The following MTHFD1L variants were observed in gnomAD, a reference collection of about 807,000 sequenced individuals.
The protein encoded by MTHFD1L is methylenetetrahydrofolate dehydrogenase (NADP+ dependent) 1 like, also known as monofunctional C1-tetrahydrofolate synthase, mitochondrial.
In MTHFD1L, 81 loss-of-function variants were observed where a neutral mutation model predicts 119.5. The observed-to-expected ratio is 0.68, with a 90% CI of 0.57 to 0.82. The LOEUF is 0.82. Among genes scored for constraint, MTHFD1L ranks in the 40% least tolerant of loss-of-function variants. The pLI, the probability that MTHFD1L is intolerant of heterozygous loss-of-function variation, is 0.00. For missense variants in MTHFD1L, 1,125 were observed against 1,253.4 expected (o/e 0.90, Z 1.55); for synonymous variants, 430 against 475.2 (o/e 0.90, Z 1.24).
intron 20 of MTHFD1L, among the ~76,000 whole-genome samples, chr6:150,994,313 T>C (rs1456238637): frequency 6.6e-6 from 1 of 152,038 alleles, no homozygotes; most frequent in African/African-American, 2.4e-5. Flanking sequence ...TTCCTGGAAA[T>C]CACATACAAC....
intron 15 of MTHFD1L, among the ~76,000 whole-genome samples, chr6:150,947,199 G>T (rs1794118133): frequency 6.6e-6 from 1 of 151,194 alleles, no homozygotes; most frequent in Non-Finnish European, 1.5e-5. Flanking sequence ...CTAGGTTCAA[G>T]CAGTTCTGCC....
intron 24 of MTHFD1L, among the ~76,000 whole-genome samples, chr6:151,032,907 A>G (rs2128527838): frequency 6.6e-6 from 1 of 152,248 alleles, no homozygotes; most frequent in East Asian, 1.9e-4. Flanking sequence ...CAGGGTTGGG[A>G]GGGGAAGAGT....
At chr6:151,040,440 G>A (rs1786919612) in intron 26 of MTHFD1L, among the ~76,000 whole-genome samples, 1 of 152,216 alleles carries the variant, frequency 6.6e-6, no homozygotes, top group African/African-American at 2.4e-5. Flanking sequence ...GGCCCGCACA[G>A]TGGCTCACAC....
At chr6:151,037,976 A>AT (rs1485191148) in intron 26 of MTHFD1L, among the ~76,000 whole-genome samples, 1 of 152,246 alleles carries the variant, frequency 6.6e-6, no homozygotes, top group African/African-American at 2.4e-5. Context: ...CATTATCATA[A>AT]TTTTTTATAA....
intron 24 of MTHFD1L, among the ~76,000 whole-genome samples, 183 bp downstream of exon 24, chr6:151,015,876 C>T (rs902064892): frequency 6.6e-6 from 1 of 152,186 alleles, no homozygotes; most frequent in Non-Finnish European, 1.5e-5. Context: ...CACTTGAGGT[C>T]AGGAGTTCGA....
At chr6:150,892,934 C>T (rs1761830059) in intron 7 of MTHFD1L, among the ~76,000 whole-genome samples, 1 of 152,076 alleles carries the variant, frequency 6.6e-6, no homozygotes. Context: ...GTCTGGAGGC[C>T]ACAGTGGTGC....
chr6:150,956,132 G>A, intron 17 of MTHFD1L, 61 bp downstream of exon 17: 6 of 1,521,540 alleles, frequency 3.9e-6, no homozygotes, highest in Non-Finnish European at 5.5e-6. Context: ...ACTGGCCTGG[G>A]AGCTCACTCT....
At chr6:150,924,601 C>T (rs146580409) in intron 10 of MTHFD1L, among the ~76,000 whole-genome samples, 4,968 of 152,192 alleles carry the variant, frequency 0.033, 116 homozygotes, top group Middle Eastern at 0.062. Context: ...CTCGGCCTCC[C>T]GAGTAGCTGG....
chr6:150,986,217 A>T (rs1778284412), intron 20 of MTHFD1L, among the ~76,000 whole-genome samples: 1 of 152,234 alleles, frequency 6.6e-6, no homozygotes, highest in Non-Finnish European at 1.5e-5. Context: ...TGAAAGTGCT[A>T]GTCAGTAATG....
At chr6:150,966,149 G>A (rs1346533235) in intron 19 of MTHFD1L, among the ~76,000 whole-genome samples, 4 of 152,232 alleles carry the variant, frequency 2.6e-5, no homozygotes, top group East Asian at 1.9e-4. Context: ...GTTTGTTCTC[G>A]CATTGCCGTA....
intron 21 of MTHFD1L, 99 bp from the exon 22 acceptor site, chr6:151,013,680 T>C: frequency 9.0e-7 from 1 of 1,114,010 alleles, no homozygotes; most frequent in South Asian, 1.3e-5. Context: ...TAGAGGTACA[T>C]TTCTAAAAAT....
At chr6:151,066,690 G>A (rs1290188721) in intron 26 of MTHFD1L, among the ~76,000 whole-genome samples, 15 of 151,294 alleles carry the variant, frequency 9.9e-5, no homozygotes, top group Non-Finnish European at 1.6e-4. Flanking sequence ...GCGTGAACCC[G>A]GGAGGCGGAG....
intron 16 of MTHFD1L, among the ~76,000 whole-genome samples, chr6:150,953,924 G>A (rs1416135508): frequency 1.3e-5 from 2 of 152,166 alleles, no homozygotes; most frequent in African/African-American, 4.8e-5. Context: ...CTATTGAAAA[G>A]CAGGCCTTTC....
chr6:150,959,823 A>G (rs1277395022), intron 17 of MTHFD1L, among the ~76,000 whole-genome samples: 1 of 152,222 alleles, frequency 6.6e-6, no homozygotes, highest in Non-Finnish European at 1.5e-5. Context: ...TTGTATGCCT[A>G]CTGGGTCTCA....
At chr6:151,101,433 A>G (rs1022627449) in intron 27 of MTHFD1L, 93 bp from the exon 28 acceptor site, 2 of 151,972 alleles carry the variant, frequency 1.3e-5, no homozygotes, top group Admixed American at 6.7e-5. Flanking sequence ...TTTTGGCCTC[A>G]AACTCTAGAG....
intron 8 of MTHFD1L, among the ~76,000 whole-genome samples, chr6:150,909,120 G>A (rs1212054833): frequency 6.6e-6 from 1 of 151,990 alleles, no homozygotes; most frequent in African/African-American, 2.4e-5. Context: ...TTTTCCTGAT[G>A]GCTAATATCC....
chr6:150,987,378 A>C (rs1348669400), intron 20 of MTHFD1L, among the ~76,000 whole-genome samples: 1 of 152,216 alleles, frequency 6.6e-6, no homozygotes, highest in African/African-American at 2.4e-5. Flanking sequence ...TGACTTCTGT[A>C]ATGCATATGG....
chr6:150,994,073 A>AG (rs1415724903), intron 20 of MTHFD1L, among the ~76,000 whole-genome samples: 11 of 79,204 alleles, frequency 1.4e-4, no homozygotes, highest in African/African-American at 7.6e-4. Context: ...GTAAAAAAAA[A>AG]AAAAAAAGAA....
At position 150,936,945 on chromosome 6, in the gene MTHFD1L, T is replaced by C; in HGVS notation, c.1393+5T>C. 1 of 1,613,534 alleles carries C rather than the reference T, an allele frequency of 6.2e-7. No individual in the cohort carries two copies. Among genetic ancestry groups the C allele is most frequent in the Non-Finnish European group, 8.5e-7 (1 of 1,179,608 alleles). ...GACCGACGTTTGGAGTGAAAGGTAC[T>C]GTCTTTAACAACTAGTGTACTTTTC... On this transcript the variant is annotated splice_donor_5th_base_variant and intron_variant, in intron 12 of 27. Transcript: ENST00000367321.
Sources: allele counts gnomAD v4.1 joint callset (sites outside exome capture counted in the v4.1 genomes callset), GRCh38; gene constraint gnomAD v4.1.1; transcripts MANE v1.5; gene names NCBI Gene and HGNC (gene_info 2026-07-23, HGNC 2026-07-21).